CDH12: variants seen among roughly 807,000 people sequenced by gnomAD.
CDH12 encodes cadherin 12, also known as cadherin-12.
In CDH12, 41 loss-of-function variants were observed where a neutral mutation model predicts 74.1. The observed-to-expected ratio is 0.55, with a 90% confidence interval of 0.43 to 0.72. CDH12 has a LOEUF of 0.72. Ranked by LOEUF, CDH12 falls within the 30% of genes least tolerant of loss-of-function variation. The pLI, the probability that CDH12 is intolerant of heterozygous loss-of-function variation, is 0.00. For synonymous variants in CDH12, 399 were observed against 355.0 expected, an observed-to-expected ratio of 1.12 and a Z score of -1.39; for missense variants, 945 against 977.2, an observed-to-expected ratio of 0.97 and a Z score of 0.44.
chr5:21,961,434 T>A (rs139334379), intron 6 of CDH12, among the ~76,000 whole-genome samples: 2,012 of 152,300 alleles, frequency 0.013, 14 homozygotes, highest in African/African-American at 0.024. Context: ...TTGTCCTTTT[T>A]AAATCCAGTC....
At chr5:22,061,175 T>C (rs976522315) in intron 5 of CDH12, among the ~76,000 whole-genome samples, 1 of 152,194 alleles carries the variant, frequency 6.6e-6, no homozygotes, top group African/African-American at 2.4e-5. Context: ...ATATGTTATG[T>C]AGGAAATTTT....
At chr5:22,475,097 T>C (rs987327460) in intron 2 of CDH12, among the ~76,000 whole-genome samples, 4 of 149,994 alleles carry the variant, frequency 2.7e-5, no homozygotes, top group African/African-American at 9.8e-5. Context: ...CTGGAACTCA[T>C]CCCCTCTTGG....
At chr5:22,071,062 AACC>A (rs1473465420) in intron 5 of CDH12, among the ~76,000 whole-genome samples, 1 of 152,272 alleles carries the variant, frequency 6.6e-6, no homozygotes, top group East Asian at 1.9e-4. Context: ...AGGTGCAGCA[AACC>A]ACCATGGCAC....
intron 8 of CDH12, among the ~76,000 whole-genome samples, chr5:21,817,527 T>TA (rs1748126585): frequency 6.7e-6 from 1 of 148,864 alleles, no homozygotes. Flanking sequence ...CATAGATAGA[T>TA]GATAGATAGA....
At chr5:22,036,978 C>G (rs548438179) in intron 5 of CDH12, among the ~76,000 whole-genome samples, 1 of 152,218 alleles carries the variant, frequency 6.6e-6, no homozygotes, top group East Asian at 1.9e-4. Flanking sequence ...TTAATCCTCA[C>G]TGGTAGTTTT....
chr5:22,000,817 G>T (rs1314552599), intron 5 of CDH12, among the ~76,000 whole-genome samples: 2 of 151,670 alleles, frequency 1.3e-5, no homozygotes, highest in Non-Finnish European at 2.9e-5. Context: ...CTGCAAAAGG[G>T]TACTTATACT....
At position 21,980,271 on chromosome 5, in the gene CDH12, G is replaced by A. The variant is rs192359338; in HGVS notation, c.232-4886C>T. ...CTTAATATAAAATATGCATCTTTTT[G>A]TAGTACCTAATTCTTGCAATTCAGT... On this transcript the variant is annotated intron_variant, in intron 5 of 14. Transcript: ENST00000382254. Among the ~76,000 whole-genome samples the A allele has an allele frequency of 2.4e-3, 368 of 151,542 alleles. 2 individuals carry two copies. The highest frequency in any genetic ancestry group is 8.4e-3 in the African/African-American group (348 of 41,280).
At chr5:22,751,759 CT>C (rs935491308) in intron 1 of CDH12, among the ~76,000 whole-genome samples, 2 of 152,082 alleles carry the variant, frequency 1.3e-5, no homozygotes, top group African/African-American at 4.8e-5. Context: ...AATAATCTTA[CT>C]TCACTTCACA....
chr5:22,653,638 A>C (rs1739857657), intron 1 of CDH12, among the ~76,000 whole-genome samples: 1 of 152,134 alleles, frequency 6.6e-6, no homozygotes, highest in Non-Finnish European at 1.5e-5. Context: ...TAGTCTCCTA[A>C]CATAGCGGCC....
At chr5:22,032,854 G>C (rs1238700092) in intron 5 of CDH12, among the ~76,000 whole-genome samples, 1 of 149,474 alleles carries the variant, frequency 6.7e-6, no homozygotes, top group Non-Finnish European at 1.5e-5. Context: ...ACAAAGGAAG[G>C]ACTCCAGTGC....
At chr5:21,777,281 A>G (rs1460258034) in intron 11 of CDH12, among the ~76,000 whole-genome samples, 3 of 152,104 alleles carry the variant, frequency 2.0e-5, no homozygotes, top group Non-Finnish European at 4.4e-5. Context: ...TAACTATACC[A>G]CTGTTATGTA....
intron 1 of CDH12, among the ~76,000 whole-genome samples, chr5:22,666,829 T>C (rs891548246): frequency 6.6e-6 from 1 of 152,228 alleles, no homozygotes; most frequent in African/African-American, 2.4e-5. Context: ...GCAAACTAAA[T>C]TGATGTTTTA....
At chr5:22,100,560 C>T (rs2150248976) in intron 4 of CDH12, among the ~76,000 whole-genome samples, 1 of 151,546 alleles carries the variant, frequency 6.6e-6, no homozygotes, top group East Asian at 2.0e-4. Context: ...TACAAACCTT[C>T]AAATATGAAT....
rs1663317 is a variant in CDH12 at position 22,387,240 on chromosome 5, G to A, written c.-333+18017C>T. On this transcript the variant is annotated intron_variant, in intron 3 of 14. Coordinates refer to ENST00000382254, the MANE Select transcript of CDH12 (RefSeq NM_004061.5). Reference sequence around the variant, plus strand: ...TTAAAAAGTTACATTTTTAAAAATTGTAATGTACATTTAAAAACATTACAA... The same window carrying A: ...TTAAAAAGTTACATTTTTAAAAATTATAATGTACATTTAAAAACATTACAA... 3.3e-3 allele frequency among the ~76,000 whole-genome samples: 498 copies of A among 150,410 alleles called. 18 individuals carry two copies. The East Asian group carries it at 0.078, about 24-fold the overall frequency.
chr5:21,811,709 C>CTTTT (rs371359584), intron 9 of CDH12, among the ~76,000 whole-genome samples: 84,755 of 138,680 alleles, frequency 0.61, 28,767 homozygotes, highest in Non-Finnish European at 0.75. Flanking sequence ...ATAGGACAAG[C>CTTTT]TTTTTTTTTT....
At chr5:22,194,991 C>T (rs1218735631) in intron 4 of CDH12, among the ~76,000 whole-genome samples, 2 of 152,174 alleles carry the variant, frequency 1.3e-5, no homozygotes, top group Admixed American at 6.5e-5. Flanking sequence ...GCAATCAAGG[C>T]AGTGATCCTG....
intron 1 of CDH12, among the ~76,000 whole-genome samples, chr5:22,588,424 G>T (rs927860589): frequency 6.6e-6 from 1 of 152,216 alleles, no homozygotes; most frequent in Non-Finnish European, 1.5e-5. Context: ...TGTAGAGTTA[G>T]CAAAATTTGC....
chr5:22,724,363 A>G (rs928545128), intron 1 of CDH12, among the ~76,000 whole-genome samples: 46 of 151,932 alleles, frequency 3.0e-4, no homozygotes, highest in African/African-American at 6.8e-4. Context: ...TGCAGTATGT[A>G]GTCATTTATT....
chr5:22,374,012 GA>G (rs1383461142), intron 3 of CDH12, among the ~76,000 whole-genome samples: 5 of 152,024 alleles, frequency 3.3e-5, no homozygotes, highest in Non-Finnish European at 5.9e-5. Flanking sequence ...CAGCAACAAA[GA>G]AAACTACCGG....
Sources: gnomAD v4.1 joint callset for allele counts (sites outside exome capture counted in the v4.1 genomes callset) on GRCh38, gnomAD v4.1.1 for gene constraint, MANE v1.5 for transcripts, NCBI Gene and HGNC (gene_info 2026-07-23, HGNC 2026-07-21) for gene names.